Variants in IL1RAPL1 observed in about 807,000 individuals in gnomAD.
The protein encoded by IL1RAPL1 is interleukin 1 receptor accessory protein like 1.
A neutral mutation model predicts 48.4 loss-of-function variants in IL1RAPL1; 3 were observed. That is an observed-to-expected ratio of 0.06 (90% CI 0.03 to 0.16). The LOEUF is 0.16. Ranked by LOEUF, IL1RAPL1 falls within the 10% of genes least tolerant of loss-of-function variation. The probability of loss-of-function intolerance (pLI) is 1.00; values close to 1 mark genes in which losing one functional copy is unlikely to be tolerated. For missense variants in IL1RAPL1, 349 were observed against 530.6 expected, an observed-to-expected ratio of 0.66 and a Z score of 3.36; for synonymous variants, 185 against 187.7, an observed-to-expected ratio of 0.99 and a Z score of 0.12.
intron 5 of IL1RAPL1, among the ~76,000 whole-genome samples, chrX:29,423,531 G>T (rs912147684): frequency 1.8e-5 from 2 of 112,009 alleles, no homozygotes; most frequent in Admixed American, 1.9e-4. Flanking sequence ...AGAATAGTTT[G>T]TCACAGTCAA....
chrX:28,979,395 C>T (rs1182410558), intron 2 of IL1RAPL1, among the ~76,000 whole-genome samples: 1 of 111,890 alleles, frequency 8.9e-6, no homozygotes, highest in East Asian at 2.8e-4. Context: ...TTCCTTTTTG[C>T]CCCGTTTTAT....
chrX:29,702,611 C>G (rs1927083009), intron 6 of IL1RAPL1, among the ~76,000 whole-genome samples: 1 of 111,725 alleles, frequency 9.0e-6, no homozygotes, highest in Non-Finnish European at 1.9e-5. Flanking sequence ...CTTTGACTGA[C>G]AATTGAAATG....
chrX:28,936,420 G>T (rs1924017039), intron 2 of IL1RAPL1, among the ~76,000 whole-genome samples: 1 of 110,267 alleles, frequency 9.1e-6, no homozygotes. Context: ...CGAGGTGAGA[G>T]GATTGCTTGA....
At chrX:29,510,806 A>G (rs6630882) in intron 5 of IL1RAPL1, among the ~76,000 whole-genome samples, 44,140 of 110,522 alleles carry the variant, frequency 0.4, 6,627 homozygotes, top group East Asian at 0.7. Context: ...TTCCAGACCA[A>G]CCAACACCTC....
At position 28,761,688 on chromosome X, in the gene IL1RAPL1, G is replaced by C. The variant is rs113516799; in HGVS notation, c.-24-27632G>C. Reference sequence around the variant, plus strand: ...GAGATCATTTGTACTAGAAACCCCAGAGTCATGCAATGTGCTCATGTAACA... The same window carrying C: ...GAGATCATTTGTACTAGAAACCCCACAGTCATGCAATGTGCTCATGTAACA... On this transcript the variant is annotated intron_variant, in intron 1 of 10. Transcript: ENST00000378993. Among the ~76,000 whole-genome samples, 521 of 111,659 alleles carry C rather than the reference G, an allele frequency of 4.7e-3. 6 individuals are homozygous for C. The highest frequency in any genetic ancestry group is 0.016 in the African/African-American group (488 of 30,729).
At chrX:29,499,960 T>C (rs1935254383) in intron 5 of IL1RAPL1, among the ~76,000 whole-genome samples, 1 of 110,983 alleles carries the variant, frequency 9.0e-6, no homozygotes. Context: ...ACATTAGAAT[T>C]CTTCTTTTTT....
intron 6 of IL1RAPL1, among the ~76,000 whole-genome samples, chrX:29,828,981 C>T (rs1003680387): frequency 1.8e-5 from 2 of 110,796 alleles, no homozygotes; most frequent in African/African-American, 3.3e-5. Context: ...AGGCCTGCAG[C>T]ACCCCAACAT....
chrX:29,080,996 C>CTT (rs202166358), intron 2 of IL1RAPL1, among the ~76,000 whole-genome samples: 1,685 of 41,900 alleles, frequency 0.04, 49 homozygotes, highest in African/African-American at 0.083. Context: ...TTCTTTCTTT[C>CTT]TCTCTCTCTC....
intron 3 of IL1RAPL1, among the ~76,000 whole-genome samples, chrX:29,333,287 C>A (rs1157326886): frequency 6.4e-5 from 7 of 109,400 alleles, no homozygotes; most frequent in African/African-American, 9.9e-5. Context: ...GCTGACCCCC[C>A]CCACCATCCT....
intron 3 of IL1RAPL1, among the ~76,000 whole-genome samples, chrX:29,388,358 T>TA (rs201574420): frequency 1.7e-5 from 1 of 60,394 alleles, no homozygotes; most frequent in African/African-American, 5.9e-5. Flanking sequence ...TTTAAGAGAT[T>TA]AAAAAAAATA....
At chrX:28,755,706 A>G (rs1047415179) in intron 1 of IL1RAPL1, among the ~76,000 whole-genome samples, 3 of 111,817 alleles carry the variant, frequency 2.7e-5, no homozygotes, top group Non-Finnish European at 5.6e-5. Context: ...ATGTACTCCT[A>G]TTTCTGATTT....
chrX:29,527,291 T>C (rs1935562162), intron 5 of IL1RAPL1, among the ~76,000 whole-genome samples: 1 of 104,816 alleles, frequency 9.5e-6, no homozygotes, highest in Non-Finnish European at 1.9e-5. Flanking sequence ...AAAATATTGG[T>C]GAATTATTTT....
intron 1 of IL1RAPL1, among the ~76,000 whole-genome samples, chrX:28,703,514 A>G (rs1483549890): frequency 1.8e-5 from 2 of 111,379 alleles, no homozygotes; most frequent in African/African-American, 6.5e-5. Flanking sequence ...AATTAATGGA[A>G]CAGGCTTTTG....
At chrX:29,190,068 C>T (rs766421698) in intron 2 of IL1RAPL1, among the ~76,000 whole-genome samples, 27 of 111,840 alleles carry the variant, frequency 2.4e-4, no homozygotes, top group Middle Eastern at 4.6e-3. Context: ...GCCTCAGTTT[C>T]CTCATCTCTA....
At chrX:29,639,199 A>C (rs1341066364) in intron 5 of IL1RAPL1, among the ~76,000 whole-genome samples, 4 of 111,868 alleles carry the variant, frequency 3.6e-5, no homozygotes, top group African/African-American at 1.3e-4. Flanking sequence ...AAAAAAAAAA[A>C]AACAGGTTTT....
At chrX:28,824,915 C>A (rs1226848531) in intron 2 of IL1RAPL1, among the ~76,000 whole-genome samples, 1 of 111,448 alleles carries the variant, frequency 9.0e-6, no homozygotes, top group Non-Finnish European at 1.9e-5. Flanking sequence ...GCAACATACC[C>A]TTTCTGTATT....
intron 1 of IL1RAPL1, among the ~76,000 whole-genome samples, chrX:28,726,625 A>G (rs966462686): frequency 1.8e-4 from 20 of 112,379 alleles, no homozygotes; most frequent in Non-Finnish European, 1.9e-5. Context: ...AATAAATGAT[A>G]CTTACTGAGT....
intron 6 of IL1RAPL1, among the ~76,000 whole-genome samples, chrX:29,782,136 A>ATCTG (rs1555919750): frequency 9.2e-6 from 1 of 109,141 alleles, no homozygotes; most frequent in Non-Finnish European, 1.9e-5. Flanking sequence ...CTATCTATCT[A>ATCTG]TCTATCTATG....
At chrX:28,826,692 C>T (rs955934575) in intron 2 of IL1RAPL1, among the ~76,000 whole-genome samples, 1 of 110,645 alleles carries the variant, frequency 9.0e-6, no homozygotes, top group Non-Finnish European at 1.9e-5. Context: ...ATGAAAATAC[C>T]AGAACAGAGT....
Sources: allele counts gnomAD v4.1 joint callset (sites outside exome capture counted in the v4.1 genomes callset), GRCh38; gene constraint gnomAD v4.1.1; transcripts MANE v1.5; gene names NCBI Gene and HGNC (gene_info 2026-07-23, HGNC 2026-07-21).